PDE8B: variants seen among roughly 807,000 people sequenced by gnomAD.
PDE8B encodes the protein high affinity cAMP-specific and IBMX-insensitive 3',5'-cyclic phosphodiesterase 8B.
A neutral mutation model predicts 101.3 loss-of-function variants in PDE8B; 26 were observed. That is an observed-to-expected ratio of 0.26 (90% confidence interval 0.19 to 0.36). The LOEUF (loss-of-function observed/expected upper bound fraction) is 0.36. Among genes scored for constraint, PDE8B ranks in the 10% least tolerant of loss-of-function variants. The pLI, the probability that PDE8B is intolerant of heterozygous loss-of-function variation, is 1.00. For missense variants in PDE8B, 810 were observed against 1,163.1 expected (o/e 0.70, Z 4.42); for synonymous variants, 424 against 429.3 (o/e 0.99, Z 0.15).
At chr5:77,268,177 C>T (rs983807302) in intron 1 of PDE8B, among the ~76,000 whole-genome samples, 13 of 151,980 alleles carry the variant, frequency 8.6e-5, no homozygotes, top group African/African-American at 3.1e-4. Context: ...GTCTCATTTC[C>T]TCCCATGTTC....
the PDE8B span, among the ~76,000 whole-genome samples, chr5:77,176,275 G>A: frequency 6.6e-6 from 1 of 152,112 alleles, no homozygotes; most frequent in Non-Finnish European, 1.5e-5. Flanking sequence ...TGGTTTTGTT[G>A]CCCTTTTCCA....
chr5:77,204,074 C>T, the PDE8B span, among the ~76,000 whole-genome samples: 1,301 of 81,054 alleles, frequency 0.016, 3 homozygotes, highest in Middle Eastern at 0.082. Flanking sequence ...TTTTTTTGTA[C>T]CTTGACTAAG....
At chr5:77,300,388 C>T (rs1224923335) in intron 1 of PDE8B, among the ~76,000 whole-genome samples, 3 of 152,160 alleles carry the variant, frequency 2.0e-5, no homozygotes, top group Non-Finnish European at 4.4e-5. Context: ...TGGGCATTTT[C>T]TGTTTTCTAT....
chr5:77,232,305 T>A (rs1234072041), intron 1 of PDE8B, among the ~76,000 whole-genome samples: 1 of 152,222 alleles, frequency 6.6e-6, no homozygotes, highest in African/African-American at 2.4e-5. Context: ...TTTCCCAATA[T>A]ATTAGTGCAT....
intron 6 of PDE8B, among the ~76,000 whole-genome samples, chr5:77,337,900 T>C (rs1778491690): frequency 6.6e-6 from 1 of 152,244 alleles, no homozygotes; most frequent in Admixed American, 6.5e-5. Flanking sequence ...CTGGCCAGAA[T>C]GCTGGGCTGG....
intron 19 of PDE8B, among the ~76,000 whole-genome samples, chr5:77,420,549 GC>G (rs1425273160): frequency 1.3e-5 from 2 of 152,088 alleles, no homozygotes; most frequent in African/African-American, 4.8e-5. Flanking sequence ...GCAGAGGTTG[GC>G]AAACTGGATG....
At chr5:77,164,680 C>T in the PDE8B span, among the ~76,000 whole-genome samples, 1 of 152,170 alleles carries the variant, frequency 6.6e-6, no homozygotes, top group Non-Finnish European at 1.5e-5. Context: ...CTCAGATTTC[C>T]CAGACTTGCA....
chr5:77,154,127 TG>T, the PDE8B span, among the ~76,000 whole-genome samples: 1 of 152,240 alleles, frequency 6.6e-6, no homozygotes, highest in Non-Finnish European at 1.5e-5. Flanking sequence ...AATTTCATAT[TG>T]TTCAAAATGG....
At chr5:77,161,141 T>G in the PDE8B span, among the ~76,000 whole-genome samples, 1 of 152,230 alleles carries the variant, frequency 6.6e-6, no homozygotes, top group African/African-American at 2.4e-5. Flanking sequence ...TGAGTTTTGA[T>G]AAATGTGTAA....
At chr5:77,413,387 C>A (rs2151109223) in intron 17 of PDE8B, 78 bp downstream of exon 17, 1 of 1,291,430 alleles carries the variant, frequency 7.7e-7, no homozygotes, top group Non-Finnish European at 1.1e-6. Context: ...ATACATTAGG[C>A]AAACAGCTAT....
chr5:77,388,026 C>A (rs1008838464), intron 10 of PDE8B, among the ~76,000 whole-genome samples: 2 of 152,098 alleles, frequency 1.3e-5, no homozygotes, highest in African/African-American at 4.8e-5. Context: ...AGAACATGCT[C>A]CTTTAGCTCG....
Position 77,282,737 on chromosome 5 carries a change from C to T in PDE8B, c.340-29257C>T, listed in dbSNP as rs745715286. Among the ~76,000 whole-genome samples, 8 of 152,102 alleles carry T rather than the reference C, an allele frequency of 5.3e-5. No homozygotes were observed. The East Asian group carries it at 5.8e-4, about 11-fold the overall frequency. On this transcript the variant is annotated intron_variant, in intron 1 of 21. Coordinates refer to ENST00000264917, the MANE Select transcript of PDE8B (RefSeq NM_003719.5). The stretch of plus-strand genomic sequence containing the variant: ...ATTTGAGCCCTGGTGGAGCAATGTC[C>T]GGCACGCTCAGGAAAGTGTGAAATC...
At chr5:77,098,958 G>T in the PDE8B span, among the ~76,000 whole-genome samples, 1 of 152,188 alleles carries the variant, frequency 6.6e-6, no homozygotes, top group Non-Finnish European at 1.5e-5. Flanking sequence ...CCTCTTAAAG[G>T]TCTCACCTGT....
intron 10 of PDE8B, among the ~76,000 whole-genome samples, chr5:77,384,574 G>C (rs1176550659): frequency 1.3e-5 from 2 of 152,146 alleles, no homozygotes; most frequent in African/African-American, 4.8e-5. Flanking sequence ...AATGCTTTCA[G>C]TTTTTGCCCA....
At chr5:77,375,813 A>G (rs1349727859) in intron 10 of PDE8B, among the ~76,000 whole-genome samples, 4 of 151,858 alleles carry the variant, frequency 2.6e-5, no homozygotes, top group Admixed American at 1.3e-4. Context: ...AAAATTATAA[A>G]TGCTGCTTAA....
intron 1 of PDE8B, among the ~76,000 whole-genome samples, chr5:77,261,193 G>A (rs1434578159): frequency 6.6e-6 from 1 of 152,172 alleles, no homozygotes; most frequent in Admixed American, 6.5e-5. Context: ...ATTCTCTAGA[G>A]GAGGTAGTAA....
the PDE8B span, among the ~76,000 whole-genome samples, chr5:77,155,369 A>G: frequency 6.6e-6 from 1 of 152,260 alleles, no homozygotes; most frequent in Admixed American, 6.5e-5. Context: ...CTGACATTTC[A>G]TATAGGCAGA....
intron 20 of PDE8B, among the ~76,000 whole-genome samples, chr5:77,422,700 A>C (rs529709996): frequency 2.0e-5 from 3 of 151,802 alleles, no homozygotes; most frequent in South Asian, 2.1e-4. Context: ...CTACTTCCAG[A>C]GAAGAGACTC....
intron 1 of PDE8B, among the ~76,000 whole-genome samples, chr5:77,231,635 G>A (rs1403294103): frequency 1.3e-5 from 2 of 152,160 alleles, no homozygotes; most frequent in African/African-American, 2.4e-5. Flanking sequence ...CATCAGTCCC[G>A]GTCCCACGGG....
Sources: allele counts gnomAD v4.1 joint callset (sites outside exome capture counted in the v4.1 genomes callset), GRCh38; gene constraint gnomAD v4.1.1; transcripts MANE v1.5; gene names NCBI Gene and HGNC (gene_info 2026-07-23, HGNC 2026-07-21).